The following CNTN4 variants were observed in gnomAD, a reference collection of about 807,000 sequenced individuals.
The protein encoded by CNTN4 is contactin 4.
A neutral mutation model predicts 122.5 loss-of-function variants in CNTN4; 77 were observed. The ratio of observed to expected loss-of-function variants is 0.63; its 90% confidence interval spans 0.52 to 0.76. The LOEUF (loss-of-function observed/expected upper bound fraction) is 0.76. CNTN4 is among the 30% of genes least tolerant of loss of function. The probability of loss-of-function intolerance (pLI) is 0.00; values close to 1 mark genes in which losing one functional copy is unlikely to be tolerated. For synonymous variants in CNTN4, 512 were observed against 447.0 expected (o/e 1.15, Z -1.83); for missense variants, 1,256 against 1,259.1 (o/e 1.00, Z 0.04).
At chr3:3,024,421 T>C (rs1221357681) in intron 14 of CNTN4, among the ~76,000 whole-genome samples, 13 of 143,430 alleles carry the variant, frequency 9.1e-5, no homozygotes. Context: ...ACTTCATCAC[T>C]ATCTATTCCT....
intron 3 of CNTN4, among the ~76,000 whole-genome samples, chr3:2,556,563 A>C (rs2078729149): frequency 6.6e-6 from 1 of 152,126 alleles, no homozygotes; most frequent in South Asian, 2.1e-4. Flanking sequence ...CCACACAACA[A>C]ATTATACTGT....
intron 2 of CNTN4, among the ~76,000 whole-genome samples, chr3:2,183,068 A>C (rs2037090902): frequency 6.6e-6 from 1 of 152,186 alleles, no homozygotes; most frequent in Admixed American, 6.5e-5. Context: ...AATAACTAAC[A>C]TTATACATTC....
intron 7 of CNTN4, among the ~76,000 whole-genome samples, chr3:2,858,631 G>A (rs1305833657): frequency 6.6e-6 from 1 of 151,850 alleles, no homozygotes; most frequent in East Asian, 1.9e-4. Flanking sequence ...GCCGAGATGG[G>A]AGAATCACTT....
At chr3:2,388,583 G>A (rs1282256775) in intron 3 of CNTN4, among the ~76,000 whole-genome samples, 2 of 152,202 alleles carry the variant, frequency 1.3e-5, no homozygotes, top group African/African-American at 4.8e-5. Context: ...AGAGGCTTAC[G>A]CCTGTAATCA....
At chr3:2,897,137 C>T (rs982296982) in intron 10 of CNTN4, among the ~76,000 whole-genome samples, 2 of 152,082 alleles carry the variant, frequency 1.3e-5, no homozygotes, top group African/African-American at 4.8e-5. Context: ...GATGCTTGTA[C>T]AATTCCAGTG....
At chr3:2,617,546 A>G (rs2081815544) in intron 4 of CNTN4, among the ~76,000 whole-genome samples, 1 of 149,018 alleles carries the variant, frequency 6.7e-6, no homozygotes, top group Admixed American at 6.8e-5. Flanking sequence ...TCAGCCTCCC[A>G]AGTAGCTGGG....
intron 3 of CNTN4, among the ~76,000 whole-genome samples, chr3:2,401,601 T>C (rs1420429285): frequency 1.3e-5 from 2 of 152,130 alleles, no homozygotes; most frequent in African/African-American, 4.8e-5. Context: ...AATGACTTGA[T>C]TGAAGACAAT....
At chr3:2,209,672 TA>T (rs142150478) in intron 2 of CNTN4, among the ~76,000 whole-genome samples, 20,940 of 152,144 alleles carry the variant, frequency 0.14, 1,815 homozygotes, top group Non-Finnish European at 0.2. Flanking sequence ...ATTTTGACTT[TA>T]TGTTTTATTC....
Position 3,026,104 on chromosome 3 carries a change from C to G in CNTN4, c.1489C>G (p.Pro497Ala), listed in dbSNP as rs923651106. ...TTTGTTTTGTTTTAACTCTCCAGAT[C>G]CAACAAGGGTAATGGTACCCCCTTC... ...SSTGNLVVKD[P>A]TRVMVPPSSM... Residue 497 changes from proline to alanine, a missense_variant and splice_region_variant, in exon 15 of 25, where the codon CCA becomes GCA. Pro to Ala is a conservative substitution (Grantham distance 27). Transcript: ENST00000418658. 1.9e-6 allele frequency: 3 copies of G among 1,612,790 alleles called. No individual in the cohort carries two copies. Among genetic ancestry groups the G allele is most frequent in the Non-Finnish European group, 2.5e-6 (3 of 1,179,142 alleles).
At chr3:2,834,462 A>T (rs1013508583) in intron 7 of CNTN4, among the ~76,000 whole-genome samples, 2 of 151,952 alleles carry the variant, frequency 1.3e-5, no homozygotes, top group African/African-American at 4.8e-5. Context: ...GCTACTTGGG[A>T]GGCTTGAGGC....
At chr3:2,352,345 G>A (rs1487824951) in intron 3 of CNTN4, among the ~76,000 whole-genome samples, 2 of 152,188 alleles carry the variant, frequency 1.3e-5, no homozygotes, top group Admixed American at 6.5e-5. Flanking sequence ...CCCTCTCTGG[G>A]CTGGCCGAGG....
At chr3:2,439,118 T>C (rs1473536742) in intron 3 of CNTN4, among the ~76,000 whole-genome samples, 2 of 152,232 alleles carry the variant, frequency 1.3e-5, no homozygotes, top group Non-Finnish European at 2.9e-5. Context: ...AATGGGAATC[T>C]GCAGTGCTTC....
intron 4 of CNTN4, among the ~76,000 whole-genome samples, chr3:2,644,010 T>C (rs1189363598): frequency 2.0e-5 from 3 of 152,192 alleles, no homozygotes; most frequent in African/African-American, 2.4e-5. Context: ...CTGACTGGTG[T>C]TGATTTCAGG....
intron 6 of CNTN4, among the ~76,000 whole-genome samples, chr3:2,781,958 C>T (rs1176000960): frequency 2.0e-5 from 3 of 149,624 alleles, no homozygotes; most frequent in African/African-American, 4.9e-5. Context: ...CTCCTGACCT[C>T]GTGATCCCCC....
intron 2 of CNTN4, among the ~76,000 whole-genome samples, chr3:2,133,489 G>A (rs1173299580): frequency 6.6e-6 from 1 of 152,180 alleles, no homozygotes; most frequent in Non-Finnish European, 1.5e-5. Flanking sequence ...ACATTCCAAT[G>A]TCAATCTGTT....
chr3:2,616,745 A>G (rs1331208972), intron 4 of CNTN4, among the ~76,000 whole-genome samples: 3 of 152,186 alleles, frequency 2.0e-5, no homozygotes, highest in African/African-American at 7.2e-5. Flanking sequence ...GAACTATACT[A>G]CAAAGCTACA....
Position 2,709,946 on chromosome 3 carries a change from T to C in CNTN4, c.56-26269T>C, listed in dbSNP as rs1576532302. The stretch of plus-strand genomic sequence containing the variant: ...AAATAAGAATAAACTCCAAAGAGCA[T>C]GTTTCCACACTTAATGCTTATTGCT... On this transcript the variant is annotated intron_variant, in intron 4 of 24. Coordinates refer to ENST00000418658, the MANE Select transcript of CNTN4 (RefSeq NM_175607.3). This position sits in a 1 kb window ranked among gnomAD's most constrained non-coding sequence, Gnocchi z 5.0. 6.6e-6 allele frequency among the ~76,000 whole-genome samples: 1 copy of C among 152,120 alleles called. No individual in the cohort carries two copies. Among genetic ancestry groups the C allele is most frequent in the East Asian group, 1.9e-4 (1 of 5,190 alleles).
intron 5 of CNTN4, among the ~76,000 whole-genome samples, chr3:2,739,747 G>T (rs1193262792): frequency 6.6e-6 from 1 of 152,196 alleles, no homozygotes; most frequent in African/African-American, 2.4e-5. Flanking sequence ...ATAAGAAAAT[G>T]AAAACCCAGA....
chr3:2,899,707 C>T (rs746372578), intron 10 of CNTN4, among the ~76,000 whole-genome samples: 1 of 152,038 alleles, frequency 6.6e-6, no homozygotes, highest in Non-Finnish European at 1.5e-5. Context: ...TAGCAGTGGG[C>T]AATGTGGGAA....
Sources: gnomAD v4.1 joint callset for allele counts (sites outside exome capture counted in the v4.1 genomes callset) on GRCh38, gnomAD v4.1.1 for gene constraint, Gnocchi (gnomAD v3.1) non-coding constraint, MANE v1.5 for transcripts, NCBI Gene and HGNC (gene_info 2026-07-23, HGNC 2026-07-21) for gene names.